The following NHERF1 variants were observed in gnomAD, a reference collection of about 807,000 sequenced individuals.
NHERF1 encodes NHERF family PDZ scaffold protein 1, also known as Na(+)/H(+) exchange regulatory cofactor NHE-RF1.
the NHERF1 span, among the ~76,000 whole-genome samples, chr17:74,753,245 TTGTAAA>T: frequency 6.6e-6 from 1 of 152,128 alleles, no homozygotes; most frequent in East Asian, 1.9e-4. Context: ...CATGACAGGT[TTGTAAA>T]TGAAAGTGCT....
At chr17:74,767,927 C>G in the NHERF1 span, 1 of 666,186 alleles carries the variant, frequency 1.5e-6, no homozygotes, top group East Asian at 2.9e-5. Context: ...CCATCCCATC[C>G]CTCCAGCCTG....
At chr17:74,753,552 C>T in the NHERF1 span, among the ~76,000 whole-genome samples, 3 of 152,176 alleles carry the variant, frequency 2.0e-5, no homozygotes, top group Admixed American at 6.5e-5. Context: ...CTTCAAGCTC[C>T]TGTTAACTCA....
chr17:74,768,767 C>T, the NHERF1 span: 2 of 881,950 alleles, frequency 2.3e-6, no homozygotes, highest in South Asian at 3.1e-5. Flanking sequence ...CACCCACATC[C>T]CCTTTCTTGA....
chr17:74,763,454 G>T, the NHERF1 span: 6 of 1,613,606 alleles, frequency 3.7e-6, no homozygotes, highest in Admixed American at 3.3e-5. Flanking sequence ...GCTGCTGGTG[G>T]TGGACAGGGA....
chr17:74,764,622 C>T, the NHERF1 span, among the ~76,000 whole-genome samples: 1 of 152,202 alleles, frequency 6.6e-6, no homozygotes, highest in East Asian at 1.9e-4. The surrounding 1 kb of genome is among the most constrained non-coding windows in gnomAD (Gnocchi z 4.9). Context: ...CTGTCCCCTG[C>T]TTCCCCCACC....
the NHERF1 span, chr17:74,767,098 C>G: frequency 1.2e-6 from 1 of 852,056 alleles, no homozygotes; most frequent in South Asian, 1.4e-5. Flanking sequence ...GTCCCCAGTT[C>G]CAGCTCCTTC....
the NHERF1 span, chr17:74,768,364 C>A: frequency 1.0e-5 from 15 of 1,445,894 alleles, no homozygotes; most frequent in African/African-American, 1.5e-4. Flanking sequence ...TGTGACCTGG[C>A]TTCCCTGGGC....
At chr17:74,768,440 A>T in the NHERF1 span, 2 of 1,613,158 alleles carry the variant, frequency 1.2e-6, no homozygotes, top group Non-Finnish European at 1.7e-6. Context: ...ACTGACTCCC[A>T]ACTTCCTGCC....
the NHERF1 span, chr17:74,762,039 A>G: frequency 1.2e-6 from 2 of 1,614,112 alleles, no homozygotes; most frequent in Non-Finnish European, 1.7e-6. This position sits in a 1 kb window ranked among gnomAD's most constrained non-coding sequence, Gnocchi z 4.2. Flanking sequence ...GCTCTGTACC[A>G]TGAAGAAGGG....
the NHERF1 span, among the ~76,000 whole-genome samples, chr17:74,755,975 G>A: frequency 6.7e-6 from 1 of 148,176 alleles, no homozygotes; most frequent in Non-Finnish European, 1.5e-5. Flanking sequence ...TTTTTTGGAG[G>A]CAGAGTCTCG....
chr17:74,759,197 T>G, the NHERF1 span, among the ~76,000 whole-genome samples: 4 of 152,044 alleles, frequency 2.6e-5, no homozygotes, highest in Middle Eastern at 3.2e-3. Flanking sequence ...AGCCACCCCC[T>G]CAGGTCCTGG....
chr17:74,767,063 A>G, the NHERF1 span: 3 of 1,330,688 alleles, frequency 2.3e-6, no homozygotes, highest in Non-Finnish European at 3.2e-6. Flanking sequence ...TAGGATAGCC[A>G]TCTGACTAAG....
At chr17:74,767,536 G>C in the NHERF1 span, among the ~76,000 whole-genome samples, 1 of 152,214 alleles carries the variant, frequency 6.6e-6, no homozygotes, top group African/African-American at 2.4e-5. Flanking sequence ...AACTCTGCAG[G>C]GTCTGCTTAA....
At chr17:74,753,304 T>C in the NHERF1 span, among the ~76,000 whole-genome samples, 3 of 152,036 alleles carry the variant, frequency 2.0e-5, no homozygotes, top group African/African-American at 7.3e-5. Flanking sequence ...GATCCCAGAG[T>C]CAGAGTGCAG....
At chr17:74,762,198 T>A in the NHERF1 span, 1 of 1,612,694 alleles carries the variant, frequency 6.2e-7, no homozygotes, top group Non-Finnish European at 8.5e-7. This position sits in a 1 kb window ranked among gnomAD's most constrained non-coding sequence, Gnocchi z 4.2. Context: ...TCTCTTCCTA[T>A]CTGACTGCCC....
chr17:74,765,056 C>G, the NHERF1 span, among the ~76,000 whole-genome samples: 2,557 of 152,234 alleles, frequency 0.017, 36 homozygotes, highest in Non-Finnish European at 0.029. Context: ...GGAGATGGAA[C>G]AGCCACCCCT....
chr17:74,766,075 C>G, the NHERF1 span, among the ~76,000 whole-genome samples: 3 of 152,298 alleles, frequency 2.0e-5, no homozygotes, highest in East Asian at 5.8e-4. Context: ...GGCAGCCATC[C>G]TCGAATTTCA....
chr17:74,754,338 C>T, the NHERF1 span, among the ~76,000 whole-genome samples: 1 of 151,326 alleles, frequency 6.6e-6, no homozygotes, highest in African/African-American at 2.4e-5. Flanking sequence ...TGCCTTTAGG[C>T]ACTCTACCTA....
At chr17:74,768,359 C>A in the NHERF1 span, 2 of 1,422,002 alleles carry the variant, frequency 1.4e-6, no homozygotes, top group Non-Finnish European at 2.0e-6. Flanking sequence ...GTTCTTGTGA[C>A]CTGGCTTCCC....
Sources: gnomAD v4.1 joint callset for allele counts (sites outside exome capture counted in the v4.1 genomes callset) on GRCh38, gnomAD v4.1.1 for gene constraint, Gnocchi (gnomAD v3.1) non-coding constraint, MANE v1.5 for transcripts, NCBI Gene and HGNC (gene_info 2026-07-23, HGNC 2026-07-21) for gene names.